The following DAAM2 variants were observed in gnomAD, a reference collection of about 807,000 sequenced individuals.
DAAM2 encodes disheveled-associated activator of morphogenesis 2.
Under a neutral mutation model 120.7 loss-of-function variants are expected in DAAM2, and 39 were observed. The observed-to-expected ratio is 0.32, with a 90% CI of 0.25 to 0.42. DAAM2 has a LOEUF of 0.42. Ranked by LOEUF, DAAM2 falls within the 10% of genes least tolerant of loss-of-function variation. DAAM2 has a pLI of 1.00. For synonymous variants in DAAM2, 488 were observed against 524.9 expected (o/e 0.93, Z 0.96); for missense variants, 1,283 against 1,401.7 (o/e 0.92, Z 1.35).
rs373038476 is a variant in DAAM2, at chr6:39,807,541, G to C, written c.-57+15076G>C. On this transcript the variant is annotated intron_variant, in intron 1 of 24. Coordinates refer to ENST00000274867, the MANE Select transcript of DAAM2 (RefSeq NM_001201427.2). ...AAATGTTTATTTTATTTTTGAGACAGAGTCTCACTCTGTCACCCAGACAGG... is the reference window on the plus strand; with the variant it reads ...AAATGTTTATTTTATTTTTGAGACACAGTCTCACTCTGTCACCCAGACAGG... 2.7e-4 allele frequency among the ~76,000 whole-genome samples: 41 copies of C among 152,198 alleles called. No individual in the cohort carries two copies. The South Asian group carries it at 5.6e-3, about 21-fold the overall frequency.
intron 5 of DAAM2, among the ~76,000 whole-genome samples, chr6:39,866,313 T>C (rs115351585): frequency 0.015 from 2,348 of 152,312 alleles, 51 homozygotes; most frequent in African/African-American, 0.053. Flanking sequence ...AAGTTACATA[T>C]TGTCATTGTG....
intron 1 of DAAM2, among the ~76,000 whole-genome samples, chr6:39,841,021 G>T (rs1394356826): frequency 7.0e-6 from 1 of 142,740 alleles, no homozygotes; most frequent in Non-Finnish European, 1.5e-5. Flanking sequence ...CCACGGGGAG[G>T]GTTCCATGGG....
intron 1 of DAAM2, among the ~76,000 whole-genome samples, chr6:39,824,705 G>A (rs981924977): frequency 1.3e-5 from 2 of 152,180 alleles, no homozygotes; most frequent in Admixed American, 1.3e-4. Flanking sequence ...GGAGGCAGAT[G>A]TTTGAGCTGG....
chr6:39,872,365 C>T (rs568296852), intron 9 of DAAM2, among the ~76,000 whole-genome samples: 7 of 152,144 alleles, frequency 4.6e-5, no homozygotes, highest in Admixed American at 6.5e-5. Context: ...AAGCCTCCCC[C>T]GGGAAGGCAT....
chr6:39,852,297 G>GT (rs1160234244), intron 1 of DAAM2, among the ~76,000 whole-genome samples: 3 of 152,188 alleles, frequency 2.0e-5, no homozygotes, highest in Non-Finnish European at 4.4e-5. Flanking sequence ...TTCTAAAGAG[G>GT]TTTTGCAGAA....
rs1437522217 is a variant in DAAM2, at chr6:39,878,441, G to A, written c.1398G>A (p.Glu466=). 1 of 1,612,200 alleles carries A rather than the reference G, an allele frequency of 6.2e-7. No homozygotes were observed. The highest frequency in any genetic ancestry group is 8.5e-7 in the Non-Finnish European group (1 of 1,179,030). ...TTGTGAGCCGTCTGGAGAGGAAGGA[G>A]CGGGAATGCGAGACAAAGACATTGG... The part of the protein sequence containing the change: ...MELVSRLERK[E]RECETKTLEK... Residue 466 remains glutamate, a synonymous_variant, in exon 13 of 25, where the codon GAG becomes GAA. Transcript: ENST00000274867. This position sits in a 1 kb window ranked among gnomAD's most constrained non-coding sequence, Gnocchi z 5.0.
At chr6:39,804,556 G>A (rs1761957302) in intron 1 of DAAM2, among the ~76,000 whole-genome samples, 1 of 148,756 alleles carries the variant, frequency 6.7e-6, no homozygotes, top group Admixed American at 6.8e-5. Context: ...GTGTGTGTAT[G>A]CATGCATGCG....
rs1582721215 is a variant in DAAM2, at chr6:39,878,173, A to T, written c.1302-30A>T. The stretch of plus-strand genomic sequence containing the variant: ...AGCTGTGAATCAATGGTCAACAATC[A>T]CATTGCCCCTTCCCTCTATGCCCTG... On this transcript the variant is annotated intron_variant, in intron 11 of 24. Transcript: ENST00000274867. The surrounding 1 kb of genome is among the most constrained non-coding windows in gnomAD (Gnocchi z 5.0). The T allele has an allele frequency of 6.2e-7, 1 of 1,611,838 alleles. No homozygotes were observed. Among genetic ancestry groups the T allele is most frequent in the Non-Finnish European group, 8.5e-7 (1 of 1,178,448 alleles).
At chr6:39,830,484 C>T (rs944751017) in intron 1 of DAAM2, among the ~76,000 whole-genome samples, 3 of 152,138 alleles carry the variant, frequency 2.0e-5, no homozygotes, top group Admixed American at 1.3e-4. Context: ...CTGAGGCCTG[C>T]GTCTTCTTCA....
chr6:39,870,479 T>TG, intron 8 of DAAM2, 36 bp downstream of exon 8: 1 of 1,337,872 alleles, frequency 7.5e-7, no homozygotes. Flanking sequence ...TGCAAACCTG[T>TG]GGGGACAGTG....
At chr6:39,800,613 A>G (rs892031206) in intron 1 of DAAM2, among the ~76,000 whole-genome samples, 1 of 152,150 alleles carries the variant, frequency 6.6e-6, no homozygotes, top group African/African-American at 2.4e-5. Context: ...AGTGCTGGAC[A>G]TGGTTAGCCT....
chr6:39,816,166 G>A (rs1421688369), intron 1 of DAAM2, among the ~76,000 whole-genome samples: 2 of 152,266 alleles, frequency 1.3e-5, no homozygotes, highest in African/African-American at 2.4e-5. Context: ...ACTTGAGAAA[G>A]AATTTGATCC....
At chr6:39,856,012 G>C in intron 1 of DAAM2, 3 of 983,466 alleles carry the variant, frequency 3.1e-6, no homozygotes, top group Non-Finnish European at 3.6e-6. Flanking sequence ...TGTCTTGGCA[G>C]ATAACACTCA....
intron 7 of DAAM2, 106 bp from the exon 8 acceptor site, chr6:39,870,234 G>A: frequency 4.4e-6 from 3 of 684,272 alleles, no homozygotes; most frequent in South Asian, 3.4e-5. Context: ...GTTAGCTGTG[G>A]GAGATGTGTT....
chr6:39,840,928 A>G lies in DAAM2; in HGVS notation c.-56-15319A>G, dbSNP rs113528386. Among the ~76,000 whole-genome samples, 305 of 150,530 alleles carry G rather than the reference A, an allele frequency of 2.0e-3. 1 individual carries two copies. The highest frequency in any genetic ancestry group is 6.7e-3 in the African/African-American group (274 of 40,952). Reference sequence around the variant, plus strand: ...GGAAGGGTGGCCGGGATGGCTTCCAACAGGAAGTGAGGCTTGCTAGGTGTT... The same window carrying G: ...GGAAGGGTGGCCGGGATGGCTTCCAGCAGGAAGTGAGGCTTGCTAGGTGTT... On this transcript the variant is annotated intron_variant, in intron 1 of 24. Coordinates refer to ENST00000274867, the MANE Select transcript of DAAM2 (RefSeq NM_001201427.2).
At chr6:39,801,735 CTG>C (rs1194869508) in intron 1 of DAAM2, among the ~76,000 whole-genome samples, 2 of 152,200 alleles carry the variant, frequency 1.3e-5, no homozygotes, top group African/African-American at 4.8e-5. Context: ...CAAAGCTTGC[CTG>C]TGTGATGAAT....
rs1190665540 is a variant in DAAM2 at position 39,868,824 on chromosome 6, C to A, written c.764C>A (p.Thr255Asn). The A allele has an allele frequency of 1.9e-6, 3 of 1,573,362 alleles. No individual in the cohort carries two copies. The highest frequency in any genetic ancestry group is 2.3e-5 in the South Asian group (2 of 85,188). ...GCTCTGTCCTGCATTTCCACCTAGA[C>A]CCTGCTGAACGAGCTAGACCGAAGT... is the stretch of plus-strand genomic sequence containing the variant. The part of the protein sequence containing the change: ...VYAAERTRFQ[T>N]LLNELDRSLG... Residue 255 changes from threonine to asparagine, a missense_variant and splice_region_variant, in exon 7 of 25, where the codon ACC (threonine) becomes AAC (asparagine). Physicochemically the swap from Thr to Asn is moderately conservative, Grantham distance 65. This residue lies in a region of DAAM2 where 338 missense variants were observed against 443.9 expected (regional missense o/e 0.76). Coordinates refer to ENST00000274867, the MANE Select transcript of DAAM2 (RefSeq NM_001201427.2).
intron 7 of DAAM2, among the ~76,000 whole-genome samples, chr6:39,869,233 T>C (rs1361032630): frequency 6.6e-6 from 1 of 152,094 alleles, no homozygotes; most frequent in Non-Finnish European, 1.5e-5. Context: ...GTGCCTTCTG[T>C]TAGGTGTGCC....
intron 1 of DAAM2, among the ~76,000 whole-genome samples, chr6:39,848,390 T>G (rs1397186641): frequency 6.6e-6 from 1 of 152,208 alleles, no homozygotes; most frequent in Non-Finnish European, 1.5e-5. Flanking sequence ...ATCATCTGCT[T>G]GTTTAGTGCC....
Sources: gnomAD v4.1 joint callset for allele counts (sites outside exome capture counted in the v4.1 genomes callset) on GRCh38, gnomAD v4.1.1 for gene constraint, gnomAD v4.1.1 regional missense constraint, Gnocchi (gnomAD v3.1) non-coding constraint, MANE v1.5 for transcripts, NCBI Gene and HGNC (gene_info 2026-07-23, HGNC 2026-07-21) for gene names.